VPS29: variants seen among roughly 807,000 people sequenced by gnomAD.
The protein encoded by VPS29 is vacuolar protein sorting-associated protein 29.
Under a neutral mutation model 20.0 loss-of-function variants are expected in VPS29, and 2 were observed. The ratio of observed to expected loss-of-function variants is 0.10; its 90% CI spans 0.04 to 0.31. The LOEUF (loss-of-function observed/expected upper bound fraction) is 0.31. VPS29 is among the 10% of genes least tolerant of loss of function. VPS29 has a pLI of 1.00. For missense variants in VPS29, 120 were observed against 215.3 expected, an observed-to-expected ratio of 0.56 and a Z score of 2.77; for synonymous variants, 81 against 79.3, an observed-to-expected ratio of 1.02 and a Z score of -0.12.
chr12:110,499,800 T>C (rs956250569), intron 1 of VPS29, among the ~76,000 whole-genome samples: 2 of 152,228 alleles, frequency 1.3e-5, no homozygotes, highest in African/African-American at 4.8e-5. Context: ...CACTTTTTAA[T>C]AAATTTGTCT....
chr12:110,499,583 G>T, intron 1 of VPS29: 1 of 1,491,058 alleles, frequency 6.7e-7, no homozygotes, highest in Non-Finnish European at 9.2e-7. Context: ...AGACAGGGGG[G>T]ATGAAAAAAA....
At chr12:110,498,530 C>A (rs960017538) in intron 1 of VPS29, among the ~76,000 whole-genome samples, 1 of 152,082 alleles carries the variant, frequency 6.6e-6, no homozygotes, top group African/African-American at 2.4e-5. Context: ...CCAAAAGAAG[C>A]TTGATTTATC....
chr12:110,501,076 G>A (rs2063021533), intron 1 of VPS29, among the ~76,000 whole-genome samples: 1 of 152,184 alleles, frequency 6.6e-6, no homozygotes, highest in African/African-American at 2.4e-5. Context: ...AGCTACTCGG[G>A]AGGCTGAGGC....
In VPS29 at chr12:110,501,749, T is replaced by TC. The variant is rs762853343; in HGVS notation, c.3+299dup. 3 of 1,122,852 alleles carry TC rather than the reference T, an allele frequency of 2.7e-6. No individual in the cohort carries two copies. The South Asian group carries it at 4.0e-5, about 15-fold the overall frequency. 69.6% of individuals were successfully genotyped at this position (1,122,852 alleles called of 1,614,324 possible). ...ATTCGAGGTATAGGACCAAAGGCCT[T>TC]CCCTGGCTCGGGCGTGCGTGTCTCG... On this transcript the variant is annotated intron_variant, in intron 1 of 3. Coordinates refer to ENST00000549578, the MANE Select transcript of VPS29 (RefSeq NM_016226.5).
At chr12:110,495,937 G>C in intron 2 of VPS29, 75 bp downstream of exon 2, 2 of 1,346,302 alleles carry the variant, frequency 1.5e-6, no homozygotes, top group Non-Finnish European at 2.0e-6. Flanking sequence ...GAGAAACCCT[G>C]GTCTAAAGAT....
At chr12:110,498,967 C>T (rs564567697) in intron 1 of VPS29, 193 of 399,680 alleles carry the variant, frequency 4.8e-4, no homozygotes, top group Non-Finnish European at 6.2e-4. Flanking sequence ...CAACAACAAC[C>T]ACCACCCCAA....
intron 1 of VPS29, chr12:110,501,813 G>A: frequency 1.7e-6 from 2 of 1,159,378 alleles, no homozygotes; most frequent in Non-Finnish European, 2.5e-6. Context: ...TTTACCCCTT[G>A]GATGGCCTCT....
In VPS29 at chr12:110,499,308, A is replaced by G. The variant is rs1421731090; in HGVS notation, c.3+2741T>C. ...CATACTTTGAAACATGTTCCCGCCC[A>G]AATTCCACACTTTGACAAATCGGGA... On this transcript the variant is annotated intron_variant, in intron 1 of 3. Transcript: ENST00000549578. The G allele has an allele frequency of 2.5e-4, 126 of 497,900 alleles. 4 individuals carry two copies. In the Admixed American group the frequency reaches 4.7e-3, roughly 18 times the overall value. The allele number at this position is 497,900 out of a possible 1,614,324, so 30.8% of individuals were successfully genotyped here.
intron 2 of VPS29, among the ~76,000 whole-genome samples, chr12:110,494,947 C>G (rs1592993337): frequency 6.6e-6 from 1 of 152,042 alleles, no homozygotes; most frequent in East Asian, 1.9e-4. Context: ...GTCTTGATCT[C>G]TTGACCTCAT....
At chr12:110,494,393 C>G (rs1341750982) in intron 2 of VPS29, among the ~76,000 whole-genome samples, 4 of 150,994 alleles carry the variant, frequency 2.6e-5, no homozygotes, top group Non-Finnish European at 5.9e-5. Flanking sequence ...GCTGGGACTA[C>G]AGGCGCCCAC....
Position 110,502,086 on chromosome 12 carries a change from TC to T in VPS29, c.-36del, listed in dbSNP as rs2063083964. The T allele has an allele frequency of 3.7e-6, 6 of 1,604,262 alleles. No homozygotes were observed. Among genetic ancestry groups the T allele is most frequent in the Non-Finnish European group, 5.1e-6 (6 of 1,174,778 alleles). The stretch of plus-strand genomic sequence containing the variant: ...GGGCTCCGCTCAGTCACCACCACCG[TC>T]GCCGCCCTCTTCCTCAGGCTCCTCG... On this transcript the variant is annotated 5_prime_UTR_variant, in exon 1 of 4. Coordinates refer to ENST00000549578, the MANE Select transcript of VPS29 (RefSeq NM_016226.5).
chr12:110,499,372 T>C, intron 1 of VPS29: 1 of 991,908 alleles, frequency 1.0e-6, no homozygotes, highest in Non-Finnish European at 1.4e-6. Flanking sequence ...AAGCAAAAGA[T>C]CCTGGAAATG....
At position 110,491,638 on chromosome 12, in the gene VPS29, T is replaced by G. The variant is rs764618606; in HGVS notation, c.*367A>C. ...TTATCAAAGTATAAATGAAAGGTAA[T>G]TGTTTATTACTGGAGAAGAGAAAAA... is the stretch of plus-strand genomic sequence containing the variant. On this transcript the variant is annotated 3_prime_UTR_variant, in exon 4 of 4. Transcript: ENST00000549578. The G allele has an allele frequency of 1.8e-5, 3 of 165,470 alleles. No individual in the cohort carries two copies. The Admixed American group carries it at 1.9e-4, about 10-fold the overall frequency. The allele number at this position is 165,470 out of a possible 1,614,324, so 10.3% of individuals were successfully genotyped here.
chr12:110,498,054 C>T (rs1044809220), intron 1 of VPS29, among the ~76,000 whole-genome samples: 1 of 151,360 alleles, frequency 6.6e-6, no homozygotes, highest in Admixed American at 6.6e-5. Context: ...TCACTGCAAC[C>T]TCTGCCTCCC....
chr12:110,493,354 AT>A, intron 2 of VPS29, 123 bp from the exon 3 acceptor site: 1 of 628,408 alleles, frequency 1.6e-6, no homozygotes, highest in Non-Finnish European at 2.4e-6. Flanking sequence ...CAACACACAC[AT>A]TTATACATTT....
At chr12:110,496,892 T>C (rs1266356318) in intron 1 of VPS29, 1 of 152,222 alleles carries the variant, frequency 6.6e-6, no homozygotes, top group African/African-American at 2.4e-5. Context: ...ATGTGTGCTT[T>C]TGAATTATAA....
At chr12:110,495,097 T>C (rs1225793283) in intron 2 of VPS29, among the ~76,000 whole-genome samples, 1 of 152,180 alleles carries the variant, frequency 6.6e-6, no homozygotes, top group East Asian at 1.9e-4. Flanking sequence ...TACTTTTTCA[T>C]GTATAATATG....
chr12:110,492,069 G>A lies in VPS29; in HGVS notation c.485C>T (p.Thr162Ile). The change falls in exon 4 of 4, where the codon ACC (threonine) becomes ATC (isoleucine). Residue 162 changes from threonine (T) to isoleucine (I), a missense_variant. Coordinates refer to ENST00000549578, the MANE Select transcript of VPS29 (RefSeq NM_016226.5). ...LMDIQASTVV[T>I]YVYQLIGDDV... ...ATCTCCAATTAGCTGATACACATAG[G>A]TGACCACTGTAGAAGCCTGGATATC... The A allele has an allele frequency of 1.9e-6, 3 of 1,613,768 alleles. No individual in the cohort carries two copies. Among genetic ancestry groups the A allele is most frequent in the Non-Finnish European group, 2.5e-6 (3 of 1,179,976 alleles).
At chr12:110,499,422 A>G in intron 1 of VPS29, 1 of 1,466,142 alleles carries the variant, frequency 6.8e-7, no homozygotes, top group Non-Finnish European at 9.2e-7. Flanking sequence ...AACCCAATCA[A>G]AGCATGGGAA....
Sources: gnomAD v4.1 joint callset for allele counts (sites outside exome capture counted in the v4.1 genomes callset) on GRCh38, gnomAD v4.1.1 for gene constraint, MANE v1.5 for transcripts, NCBI Gene and HGNC (gene_info 2026-07-23, HGNC 2026-07-21) for gene names.